CPAMD8: variants seen among roughly 807,000 people sequenced by gnomAD.
The protein encoded by CPAMD8 is C3 and PZP-like alpha-2-macroglobulin domain-containing protein 8.
In CPAMD8, 146 loss-of-function variants were observed where a neutral mutation model predicts 224.7. The observed-to-expected ratio is 0.65, with a 90% CI of 0.57 to 0.75. The LOEUF (loss-of-function observed/expected upper bound fraction) is 0.75, where lower values mean the gene tolerates loss of function less well. Among genes scored for constraint, CPAMD8 ranks in the 30% least tolerant of loss-of-function variants. The pLI, the probability that CPAMD8 is intolerant of heterozygous loss-of-function variation, is 0.00. For missense variants in CPAMD8, 2,301 were observed against 2,537.5 expected (o/e 0.91, Z 2.00); for synonymous variants, 966 against 1,044.6 (o/e 0.92, Z 1.45).
Position 16,902,779 on chromosome 19 carries a change from C to T in CPAMD8, c.4555G>A (p.Gly1519Arg), listed in dbSNP as rs1464404129. ...LVSLQEPEAQ[G>R]RPPPMPASAA... ...GAGGCAGGCATGGGGGGCGGGCGTC[C>T]CTGGGCCTCAGGCTCCTGGAGGCTT... The change falls in exon 35 of 42, where the codon GGA (glycine) becomes AGA (arginine). Residue 1519 changes from glycine to arginine, a missense_variant. By Grantham distance (125) the Gly-to-Arg change is moderately radical. This residue lies in a region of CPAMD8 where 1,709 missense variants were observed against 1,753.2 expected (regional missense o/e 0.97). Transcript: ENST00000443236. The T allele has an allele frequency of 6.3e-7, 1 of 1,590,536 alleles. No individual in the cohort carries two copies. Among genetic ancestry groups the T allele is most frequent in the Non-Finnish European group, 8.6e-7 (1 of 1,164,750 alleles).
chr19:16,916,548 C>T (rs2052967413), intron 27 of CPAMD8, among the ~76,000 whole-genome samples: 1 of 152,002 alleles, frequency 6.6e-6, no homozygotes, highest in Admixed American at 6.6e-5. Flanking sequence ...ACCAGCCTGA[C>T]TGACATGGCG....
chr19:16,985,644 T>G (rs1599848603), intron 13 of CPAMD8, among the ~76,000 whole-genome samples: 1 of 130,074 alleles, frequency 7.7e-6, no homozygotes, highest in African/African-American at 3.0e-5. Flanking sequence ...AGAGGGAGGG[T>G]GGATGGATGG....
At chr19:16,928,827 C>G in intron 24 of CPAMD8, 115 bp downstream of exon 24, 1 of 777,666 alleles carries the variant, frequency 1.3e-6, no homozygotes, top group Non-Finnish European at 2.0e-6. Flanking sequence ...GGTGGTGCTC[C>G]ATGTTTCCCT....
At chr19:16,948,006 C>T (rs989468184) in intron 20 of CPAMD8, among the ~76,000 whole-genome samples, 1 of 152,056 alleles carries the variant, frequency 6.6e-6, no homozygotes, top group Non-Finnish European at 1.5e-5. Context: ...ACCATGATGA[C>T]TTGTGTGGGT....
chr19:16,964,338 T>C (rs1364313370), intron 18 of CPAMD8, among the ~76,000 whole-genome samples: 1 of 151,786 alleles, frequency 6.6e-6, no homozygotes, highest in African/African-American at 2.4e-5. Flanking sequence ...ATAGACGCAA[T>C]AAAAAATGAT....
At chr19:16,926,876 C>T (rs1439239328) in intron 25 of CPAMD8, among the ~76,000 whole-genome samples, 1 of 152,198 alleles carries the variant, frequency 6.6e-6, no homozygotes, top group African/African-American at 2.4e-5. Context: ...TGCTCTCGTG[C>T]CTCAGGAATT....
At chr19:16,909,050 A>C (rs966800889) in intron 29 of CPAMD8, among the ~76,000 whole-genome samples, 1 of 152,144 alleles carries the variant, frequency 6.6e-6, no homozygotes, top group Non-Finnish European at 1.5e-5. Context: ...GGTCAAGGTC[A>C]TTTGCTGGTT....
chr19:17,026,512 G>C, intron 1 of CPAMD8, 39 bp downstream of exon 1: 1 of 1,460,594 alleles, frequency 6.8e-7, no homozygotes, highest in East Asian at 2.9e-5. Context: ...CCCCACCCCA[G>C]AAGGCGACCG....
At chr19:16,952,230 G>T in intron 19 of CPAMD8, 30 bp from the exon 20 acceptor site, 1 of 1,313,154 alleles carries the variant, frequency 7.6e-7, no homozygotes, top group Non-Finnish European at 1.1e-6. Flanking sequence ...CATGATGGGG[G>T]GCCCTTCTCC....
chr19:16,942,478 A>T (rs1013025422), intron 22 of CPAMD8, among the ~76,000 whole-genome samples: 1 of 152,230 alleles, frequency 6.6e-6, no homozygotes, highest in African/African-American at 2.4e-5. Context: ...TAGTAATAAT[A>T]TAAATAAACT....
rs544893932 is a variant in CPAMD8 at position 16,981,825 on chromosome 19, A to T, written c.1396-1139T>A. On this transcript the variant is annotated intron_variant, in intron 13 of 41. Coordinates refer to ENST00000443236, the MANE Select transcript of CPAMD8 (RefSeq NM_015692.5). ...CTTGCCGTGGAAGCTTGGGCAAATC[A>T]TTTCACCTCTCTGAGCCTCAGTTTC... Among the ~76,000 whole-genome samples the T allele has an allele frequency of 1.8e-3, 267 of 152,176 alleles. 1 individual carries two copies. The highest frequency in any genetic ancestry group is 6.3e-3 in the African/African-American group (262 of 41,526).
chr19:16,927,921 G>A, intron 25 of CPAMD8, 88 bp downstream of exon 25: 1 of 999,680 alleles, frequency 1.0e-6, no homozygotes, highest in South Asian at 1.3e-5. Flanking sequence ...CAGGTCCCCA[G>A]CAAAGCCCAG....
chr19:16,925,108 T>C (rs1213028902), intron 26 of CPAMD8, 88 bp downstream of exon 26: 4 of 1,414,208 alleles, frequency 2.8e-6, no homozygotes, highest in Non-Finnish European at 3.9e-6. Flanking sequence ...ACCTGGTGTG[T>C]GGGCCACCTC....
In CPAMD8 at chr19:16,976,785, T is replaced by C. The variant is rs563671596; in HGVS notation, c.1758+583A>G. Among the ~76,000 whole-genome samples, 3 of 152,012 alleles carry C rather than the reference T, an allele frequency of 2.0e-5. No homozygotes were observed. The South Asian group carries it at 6.2e-4, about 32-fold the overall frequency. On this transcript the variant is annotated intron_variant, in intron 15 of 41. Coordinates refer to ENST00000443236, the MANE Select transcript of CPAMD8 (RefSeq NM_015692.5). ...AGCCAGGCGCAGTGGCTCACACCTG[T>C]AATCCCAGCACTTCGGGAGGCTGAA...
chr19:16,903,923 C>T (rs879824502), intron 32 of CPAMD8, 66 bp from the exon 33 acceptor site: 178 of 1,510,138 alleles, frequency 1.2e-4, no homozygotes, highest in Non-Finnish European at 1.4e-4. Context: ...CCCTGAACCC[C>T]GTCTTGGAAG....
At chr19:17,001,734 G>A (rs1022311585) in intron 9 of CPAMD8, among the ~76,000 whole-genome samples, 2 of 151,644 alleles carry the variant, frequency 1.3e-5, no homozygotes, top group Non-Finnish European at 2.9e-5. Flanking sequence ...GGGAGGCCAT[G>A]GAAGAAGTGT....
chr19:16,908,326 G>A (rs1393613418), intron 29 of CPAMD8, among the ~76,000 whole-genome samples: 2 of 151,206 alleles, frequency 1.3e-5, no homozygotes, highest in African/African-American at 4.9e-5. Context: ...TTGCACCACC[G>A]CACTCCAGCC....
intron 27 of CPAMD8, among the ~76,000 whole-genome samples, chr19:16,915,523 G>C (rs1388507980): frequency 1.3e-5 from 2 of 152,164 alleles, no homozygotes; most frequent in Non-Finnish European, 2.9e-5. Context: ...GTTGTTTTCA[G>C]CCAAAAACAT....
In CPAMD8 at chr19:16,990,799, G is replaced by C. The variant is rs890127254; in HGVS notation, c.1267-1028C>G. ...AATCACTTGAACCTGGGAGGCAGAG[G>C]TTGCAGTGAGCTGGAATCACGCCAT... is the stretch of plus-strand genomic sequence containing the variant. On this transcript the variant is annotated intron_variant, in intron 12 of 41. Transcript: ENST00000443236. Among the ~76,000 whole-genome samples the C allele has an allele frequency of 2.1e-5, 3 of 145,628 alleles. No individual in the cohort carries two copies. The Admixed American group carries it at 2.1e-4, about 10-fold the overall frequency.
Sources: allele counts gnomAD v4.1 joint callset (sites outside exome capture counted in the v4.1 genomes callset), GRCh38; gene constraint gnomAD v4.1.1; regional missense constraint gnomAD v4.1.1; transcripts MANE v1.5; gene names NCBI Gene and HGNC (gene_info 2026-07-23, HGNC 2026-07-21).